Variants in MSRA observed in about 807,000 individuals in gnomAD.
MSRA encodes the protein methionine sulfoxide reductase A.
Under a neutral mutation model 31.3 loss-of-function variants are expected in MSRA, and 54 were observed. That is an observed-to-expected ratio of 1.73 (90% confidence interval 1.39 to 2.17). The LOEUF is 2.17. Among genes scored for constraint, MSRA ranks in the 30% most tolerant of loss-of-function variants. The probability of loss-of-function intolerance (pLI) is 0.00; values close to 1 mark genes in which losing one functional copy is unlikely to be tolerated. For missense variants in MSRA, 507 were observed against 300.9 expected (o/e 1.69, Z -5.07); for synonymous variants, 169 against 116.5 (o/e 1.45, Z -2.90).
chr8:10,198,053 T>A (rs1481565293), intron 1 of MSRA, among the ~76,000 whole-genome samples: 2 of 152,216 alleles, frequency 1.3e-5, no homozygotes, highest in African/African-American at 4.8e-5. Context: ...CACGTAGTAT[T>A]TTACAACTTC....
intron 3 of MSRA, among the ~76,000 whole-genome samples, chr8:10,256,760 A>G (rs921154025): frequency 2.6e-5 from 4 of 151,998 alleles, no homozygotes; most frequent in African/African-American, 9.7e-5. Context: ...AGATACATGT[A>G]TTTCTCTGTC....
At chr8:10,267,653 A>C (rs1190615363) in intron 3 of MSRA, among the ~76,000 whole-genome samples, 1 of 152,106 alleles carries the variant, frequency 6.6e-6, no homozygotes, top group African/African-American at 2.4e-5. Flanking sequence ...AGATACAGGA[A>C]GGAGCACCGG....
chr8:10,061,744 C>T (rs1235711353), intron 1 of MSRA, among the ~76,000 whole-genome samples: 6 of 152,172 alleles, frequency 3.9e-5, no homozygotes, highest in Non-Finnish European at 2.9e-5. Context: ...GCCCCATTGT[C>T]CATGGGGCAT....
At chr8:10,303,279 G>A (rs747773392) in intron 4 of MSRA, among the ~76,000 whole-genome samples, 9 of 152,200 alleles carry the variant, frequency 5.9e-5, no homozygotes, top group Middle Eastern at 3.2e-3. Flanking sequence ...CAAGTCTGTC[G>A]TCAACTTCTC....
chr8:10,331,250 T>A (rs1239973532), intron 5 of MSRA, among the ~76,000 whole-genome samples: 1 of 152,208 alleles, frequency 6.6e-6, no homozygotes, highest in Non-Finnish European at 1.5e-5. Flanking sequence ...AGCCCTGTTT[T>A]GTGTGCTGCA....
At chr8:10,218,699 G>A (rs1357168485) in intron 2 of MSRA, among the ~76,000 whole-genome samples, 3 of 152,164 alleles carry the variant, frequency 2.0e-5, no homozygotes, top group African/African-American at 4.8e-5. Flanking sequence ...GGCTCTAAAC[G>A]TGTATTCCCA....
At position 10,208,045 on chromosome 8, in the gene MSRA, G is replaced by C; in HGVS notation, c.211+144G>C. 6.7e-6 allele frequency: 4 copies of C among 593,768 alleles called. No homozygotes were observed. In the South Asian group the frequency reaches 1.0e-4, roughly 16 times the overall value. 36.8% of individuals were successfully genotyped at this position (593,768 alleles called of 1,614,324 possible). A position where few individuals can be genotyped will look rare whatever the true frequency, so the allele number is the denominator to read the frequency against. On this transcript the variant is annotated intron_variant, in intron 2 of 5. Coordinates refer to ENST00000317173, the MANE Select transcript of MSRA (RefSeq NM_012331.5). ...TTGTTACAGCCAAGAAAACTATTGA[G>C]TTCCTAGTAATTTCTGGGGTTGGAA...
chr8:10,280,270 T>C (rs1338233588), intron 3 of MSRA, among the ~76,000 whole-genome samples: 1 of 152,256 alleles, frequency 6.6e-6, no homozygotes, highest in East Asian at 1.9e-4. Context: ...TTTGCCCCCC[T>C]CTTTTAGTTC....
chr8:10,202,015 T>G (rs1808547122), intron 1 of MSRA, among the ~76,000 whole-genome samples: 1 of 152,246 alleles, frequency 6.6e-6, no homozygotes, highest in Non-Finnish European at 1.5e-5. Context: ...GAGACTCTTG[T>G]GTCTCCATTT....
chr8:10,136,558 T>A (rs1019512766), intron 1 of MSRA, among the ~76,000 whole-genome samples: 3 of 152,244 alleles, frequency 2.0e-5, no homozygotes, highest in Admixed American at 6.5e-5. Context: ...TTTTTAAATT[T>A]ATAGCACTTT....
chr8:10,407,787 G>A (rs927716038), intron 5 of MSRA, among the ~76,000 whole-genome samples: 1 of 152,090 alleles, frequency 6.6e-6, no homozygotes, highest in Non-Finnish European at 1.5e-5. Flanking sequence ...TGAAGTATAG[G>A]ATAGCTTACA....
At chr8:10,281,226 A>G (rs1277099735) in intron 3 of MSRA, among the ~76,000 whole-genome samples, 2 of 152,254 alleles carry the variant, frequency 1.3e-5, no homozygotes, top group East Asian at 3.8e-4. Flanking sequence ...CCAATAAATT[A>G]TGATAGCTCT....
chr8:10,298,092 C>G (rs1215917433), intron 3 of MSRA, among the ~76,000 whole-genome samples: 1 of 152,170 alleles, frequency 6.6e-6, no homozygotes, highest in Non-Finnish European at 1.5e-5. Context: ...TGTGAAAAAA[C>G]TCATAGGGAG....
At chr8:10,215,466 C>G (rs1003309592) in intron 2 of MSRA, among the ~76,000 whole-genome samples, 1 of 152,326 alleles carries the variant, frequency 6.6e-6, no homozygotes, top group African/African-American at 2.4e-5. Context: ...ACCACCTGCT[C>G]TCCTCACTCT....
intron 5 of MSRA, among the ~76,000 whole-genome samples, chr8:10,424,932 T>C (rs1295932488): frequency 6.6e-6 from 1 of 152,200 alleles, no homozygotes; most frequent in African/African-American, 2.4e-5. Context: ...GCAGGGGGGC[T>C]GCGAAGCCCA....
intron 1 of MSRA, among the ~76,000 whole-genome samples, chr8:10,185,177 TC>T (rs1197019139): frequency 6.6e-6 from 1 of 152,044 alleles, no homozygotes; most frequent in Non-Finnish European, 1.5e-5. Context: ...CGAATGCGAA[TC>T]CCCCTGTGGA....
chr8:10,407,958 G>A (rs1263171338), intron 5 of MSRA, among the ~76,000 whole-genome samples: 1 of 152,086 alleles, frequency 6.6e-6, no homozygotes, highest in Admixed American at 6.5e-5. Flanking sequence ...TCTTTGAGTA[G>A]GTTAATAGGA....
At chr8:10,208,710 G>A (rs1809227478) in intron 2 of MSRA, among the ~76,000 whole-genome samples, 1 of 152,092 alleles carries the variant, frequency 6.6e-6, no homozygotes, top group Admixed American at 6.6e-5. Context: ...TTTCAACTGG[G>A]CATTCAGCTG....
At chr8:10,227,094 A>C (rs890121390) in intron 2 of MSRA, among the ~76,000 whole-genome samples, 4 of 152,176 alleles carry the variant, frequency 2.6e-5, no homozygotes, top group African/African-American at 9.7e-5. Flanking sequence ...TCAGAGATAC[A>C]GACACAGTGA....
Sources: gnomAD v4.1 joint callset for allele counts (sites outside exome capture counted in the v4.1 genomes callset) on GRCh38, gnomAD v4.1.1 for gene constraint, MANE v1.5 for transcripts, NCBI Gene and HGNC (gene_info 2026-07-23, HGNC 2026-07-21) for gene names.